SLC24A3: variants seen among roughly 807,000 people sequenced by gnomAD.
The protein encoded by SLC24A3 is sodium/potassium/calcium exchanger 3.
Under a neutral mutation model 75.8 loss-of-function variants are expected in SLC24A3, and 28 were observed. The observed-to-expected ratio is 0.37, with a 90% confidence interval of 0.27 to 0.51. The LOEUF (loss-of-function observed/expected upper bound fraction) is 0.51, where lower values mean the gene tolerates loss of function less well. Ranked by LOEUF, SLC24A3 falls within the 20% of genes least tolerant of loss-of-function variation. SLC24A3 has a pLI of 0.94. For missense variants in SLC24A3, 663 were observed against 847.8 expected, an observed-to-expected ratio of 0.78 and a Z score of 2.71; for synonymous variants, 372 against 334.1, an observed-to-expected ratio of 1.11 and a Z score of -1.24.
intron 2 of SLC24A3, among the ~76,000 whole-genome samples, chr20:19,484,984 G>A (rs1988108945): frequency 6.6e-6 from 1 of 152,236 alleles, no homozygotes; most frequent in South Asian, 2.1e-4. Flanking sequence ...CATTTTTCTT[G>A]GACCATAGTG....
chr20:19,649,170 C>G (rs2032171746), intron 6 of SLC24A3, among the ~76,000 whole-genome samples: 1 of 152,190 alleles, frequency 6.6e-6, no homozygotes, highest in African/African-American at 2.4e-5. Context: ...CAAAGAGCCT[C>G]CCATTTGATG....
At chr20:19,708,414 T>C (rs904245058) in intron 15 of SLC24A3, among the ~76,000 whole-genome samples, 2 of 152,216 alleles carry the variant, frequency 1.3e-5, no homozygotes, top group Admixed American at 1.3e-4. Flanking sequence ...ATTCTCACCT[T>C]GTATGGCAAC....
At chr20:19,698,189 G>A (rs1426309832) in intron 14 of SLC24A3, among the ~76,000 whole-genome samples, 1 of 152,118 alleles carries the variant, frequency 6.6e-6, no homozygotes, top group African/African-American at 2.4e-5. Flanking sequence ...AATGGGGGAT[G>A]GTGTTAAACC....
At chr20:19,262,164 G>A (rs1600398576) in intron 1 of SLC24A3, among the ~76,000 whole-genome samples, 1 of 152,088 alleles carries the variant, frequency 6.6e-6, no homozygotes, top group Non-Finnish European at 1.5e-5. Context: ...AGCACTTTGG[G>A]AGGCCGAGGC....
chr20:19,397,528 T>C (rs927532582), intron 2 of SLC24A3, among the ~76,000 whole-genome samples: 1 of 152,196 alleles, frequency 6.6e-6, no homozygotes, highest in Non-Finnish European at 1.5e-5. Context: ...TAACAGACAT[T>C]TGTTGTCTTC....
chr20:19,630,239 C>G (rs76960336), intron 6 of SLC24A3, among the ~76,000 whole-genome samples: 15 of 152,086 alleles, frequency 9.9e-5, no homozygotes, highest in African/African-American at 3.6e-4. Flanking sequence ...CATTATACAA[C>G]GTTGGAAAAT....
At chr20:19,469,964 C>A (rs1211627990) in intron 2 of SLC24A3, among the ~76,000 whole-genome samples, 2 of 152,162 alleles carry the variant, frequency 1.3e-5, no homozygotes. Context: ...CCCACATAGA[C>A]CTCCTCCCTG....
rs1344651297 is a variant in SLC24A3 at position 19,665,776 on chromosome 20, G to GCGTGC, written c.688-87_688-83dup. On this transcript the variant is annotated intron_variant, in intron 7 of 16. Coordinates refer to ENST00000328041, the MANE Select transcript of SLC24A3 (RefSeq NM_020689.4). ...CCATCCCAGGAACAAGGTGGATACT[G>GCGTGC]CGTGCAGCCTTAAAGCGTGTGTGTG... 3.7e-5 allele frequency: 54 copies of GCGTGC among 1,452,554 alleles called. No individual in the cohort carries two copies. In the East Asian group the frequency reaches 1.3e-3, roughly 34 times the overall value. The allele number at this position is 1,452,554 out of a possible 1,614,324, so 90.0% of individuals were successfully genotyped here. A position where few individuals can be genotyped will look rare whatever the true frequency, so the allele number is the denominator to read the frequency against.
intron 7 of SLC24A3, among the ~76,000 whole-genome samples, chr20:19,658,171 C>T (rs188114471): frequency 1.1e-3 from 160 of 152,240 alleles, no homozygotes; most frequent in Non-Finnish European, 1.5e-3. Context: ...AGCAGAGGGG[C>T]CCTGGAGACA....
At chr20:19,556,306 C>A (rs979987344) in intron 3 of SLC24A3, among the ~76,000 whole-genome samples, 10 of 151,978 alleles carry the variant, frequency 6.6e-5, no homozygotes, top group African/African-American at 2.4e-4. Flanking sequence ...AAGGAAAATC[C>A]AAAAATAAAA....
chr20:19,361,823 C>G (rs1387592981), intron 2 of SLC24A3, among the ~76,000 whole-genome samples: 1 of 152,110 alleles, frequency 6.6e-6, no homozygotes, highest in Non-Finnish European at 1.5e-5. Flanking sequence ...AATCTAGGTG[C>G]TGGGTAACAT....
intron 1 of SLC24A3, among the ~76,000 whole-genome samples, chr20:19,232,093 G>A (rs1982037715): frequency 6.6e-6 from 1 of 152,042 alleles, no homozygotes; most frequent in Non-Finnish European, 1.5e-5. Flanking sequence ...TTTATCTTGT[G>A]GTGGAATACT....
At chr20:19,424,369 A>T (rs191833501) in intron 2 of SLC24A3, among the ~76,000 whole-genome samples, 4 of 152,330 alleles carry the variant, frequency 2.6e-5, no homozygotes, top group Non-Finnish European at 1.5e-5. Flanking sequence ...AAACTTTGAA[A>T]ATAGGTTATA....
chr20:19,667,967 A>G (rs890931847), intron 8 of SLC24A3, among the ~76,000 whole-genome samples: 1 of 152,196 alleles, frequency 6.6e-6, no homozygotes, highest in African/African-American at 2.4e-5. Flanking sequence ...ATTATGAGTA[A>G]GAGGCTTGGA....
chr20:19,659,010 T>C (rs1322947785), intron 7 of SLC24A3, among the ~76,000 whole-genome samples: 1 of 152,244 alleles, frequency 6.6e-6, no homozygotes, highest in African/African-American at 2.4e-5. Flanking sequence ...ATAGGCAGTC[T>C]AGCAGCTGCT....
At chr20:19,590,486 T>TA (rs965382185) in intron 6 of SLC24A3, among the ~76,000 whole-genome samples, 1 of 151,870 alleles carries the variant, frequency 6.6e-6, no homozygotes, top group Non-Finnish European at 1.5e-5. Flanking sequence ...CTGCCAAACC[T>TA]AAAAATAGGG....
At chr20:19,614,552 G>T (rs575554929) in intron 6 of SLC24A3, among the ~76,000 whole-genome samples, 1 of 152,242 alleles carries the variant, frequency 6.6e-6, no homozygotes, top group East Asian at 1.9e-4. Flanking sequence ...CCATTCCACC[G>T]TTCTTGCCCA....
At chr20:19,407,990 C>T (rs1986678209) in intron 2 of SLC24A3, among the ~76,000 whole-genome samples, 1 of 152,214 alleles carries the variant, frequency 6.6e-6, no homozygotes, top group Non-Finnish European at 1.5e-5. Context: ...CTTCTCTGAA[C>T]ATTCTTTCTG....
At chr20:19,261,129 G>A (rs978530956) in intron 1 of SLC24A3, among the ~76,000 whole-genome samples, 3 of 152,128 alleles carry the variant, frequency 2.0e-5, no homozygotes, top group African/African-American at 7.2e-5. Context: ...GAACCTCTCT[G>A]AGGCAAGGAA....
Sources: allele counts gnomAD v4.1 joint callset (sites outside exome capture counted in the v4.1 genomes callset), GRCh38; gene constraint gnomAD v4.1.1; transcripts MANE v1.5; gene names NCBI Gene and HGNC (gene_info 2026-07-23, HGNC 2026-07-21).